The following SLC30A4 variants were observed in gnomAD, a reference collection of about 807,000 sequenced individuals.
SLC30A4 encodes solute carrier family 30 member 4.
In SLC30A4, 20 loss-of-function variants were observed where a neutral mutation model predicts 41.7. The observed-to-expected ratio is 0.48, with a 90% CI of 0.34 to 0.70. SLC30A4 has a LOEUF of 0.70. SLC30A4 is among the 30% of genes least tolerant of loss of function. SLC30A4 has a pLI of 0.01. For synonymous variants in SLC30A4, 181 were observed against 195.9 expected (o/e 0.92, Z 0.64); for missense variants, 441 against 529.3 (o/e 0.83, Z 1.64).
chr15:45,515,149 G>A (rs950915627), intron 2 of SLC30A4, among the ~76,000 whole-genome samples: 3 of 151,498 alleles, frequency 2.0e-5, no homozygotes, highest in African/African-American at 7.3e-5. Flanking sequence ...AGCCTCCTAA[G>A]TTGCTGGGAC....
intron 2 of SLC30A4, among the ~76,000 whole-genome samples, chr15:45,514,671 C>T (rs566695795): frequency 6.6e-5 from 10 of 151,862 alleles, no homozygotes; most frequent in South Asian, 6.3e-4. Context: ...TGCGCCACCA[C>T]GCCCGGCTAA....
chr15:45,503,718 G>A (rs1337346452), intron 3 of SLC30A4, among the ~76,000 whole-genome samples: 1 of 152,052 alleles, frequency 6.6e-6, no homozygotes, highest in African/African-American at 2.4e-5. Flanking sequence ...AGGCCGAGGT[G>A]GGCAGATCAC....
intron 3 of SLC30A4, among the ~76,000 whole-genome samples, chr15:45,494,167 GGAT>G (rs1167192740): frequency 6.6e-6 from 1 of 152,072 alleles, no homozygotes; most frequent in Non-Finnish European, 1.5e-5. Flanking sequence ...AAATATTTAT[GGAT>G]GATTTTTTAG....
intron 4 of SLC30A4, 63 bp downstream of exon 4, chr15:45,490,665 A>T: frequency 9.8e-7 from 1 of 1,022,414 alleles, no homozygotes; most frequent in Non-Finnish European, 1.4e-6. Context: ...TACTGAATGC[A>T]TATGCAATAG....
rs545671931 is a variant in SLC30A4, at chr15:45,500,712, C to T, written c.539-9831G>A. 9.9e-5 allele frequency among the ~76,000 whole-genome samples: 15 copies of T among 151,376 alleles called. No individual in the cohort carries two copies. The South Asian group carries it at 2.7e-3, about 27-fold the overall frequency. ...TTTTATTTTTTTTGAGACGGAGTTTCGCTCTTGTTGCCCAGGCTGGAATGC... is the reference window on the plus strand; with the variant it reads ...TTTTATTTTTTTTGAGACGGAGTTTTGCTCTTGTTGCCCAGGCTGGAATGC... On this transcript the variant is annotated intron_variant, in intron 3 of 7. Transcript: ENST00000261867.
Position 45,481,281 on chromosome 15 carries a change from T to C in SLC30A4, c.*3882A>G, listed in dbSNP as rs1170787091. On this transcript the variant is annotated 3_prime_UTR_variant, in exon 8 of 8. Coordinates refer to ENST00000261867, the MANE Select transcript of SLC30A4 (RefSeq NM_013309.6). Reference sequence around the variant, plus strand: ...ATCTGCACTCACATTACATAAGGCATAGCTAATGGAAATGTATGTAGGAAT... The same window carrying C: ...ATCTGCACTCACATTACATAAGGCACAGCTAATGGAAATGTATGTAGGAAT... 2 of 152,230 alleles carry C rather than the reference T, an allele frequency of 1.3e-5. No homozygotes were observed. Among genetic ancestry groups the C allele is most frequent in the African/African-American group, 4.8e-5 (2 of 41,460 alleles). 9.4% of individuals were successfully genotyped at this position (152,230 alleles called of 1,614,324 possible).
At chr15:45,506,654 TG>T (rs1298617981) in intron 3 of SLC30A4, among the ~76,000 whole-genome samples, 8 of 152,172 alleles carry the variant, frequency 5.3e-5, no homozygotes, top group Non-Finnish European at 1.2e-4. Context: ...GCAGAATAAG[TG>T]AAATAAGGTC....
At chr15:45,486,010 C>T (rs570744481) in intron 7 of SLC30A4, among the ~76,000 whole-genome samples, 11 of 150,906 alleles carry the variant, frequency 7.3e-5, no homozygotes, top group South Asian at 6.3e-4. Context: ...TGAGTCAACG[C>T]GCCAGGCCGG....
chr15:45,520,553 G>T (rs1288525539), intron 2 of SLC30A4, among the ~76,000 whole-genome samples: 1 of 152,166 alleles, frequency 6.6e-6, no homozygotes, highest in Non-Finnish European at 1.5e-5. Flanking sequence ...GGGATTAAAG[G>T]CGTGAGCCAC....
chr15:45,512,697 T>C (rs1892335139), intron 2 of SLC30A4, among the ~76,000 whole-genome samples: 1 of 152,250 alleles, frequency 6.6e-6, no homozygotes. Context: ...AGCTTTAGCA[T>C]ACTTATCATT....
chr15:45,521,726 C>T (rs1313646630), intron 2 of SLC30A4: 3 of 471,774 alleles, frequency 6.4e-6, no homozygotes, highest in Non-Finnish European at 7.4e-6. Flanking sequence ...CTTAACTTTA[C>T]GGTAGATGAC....
At chr15:45,500,935 C>T (rs527238425) in intron 3 of SLC30A4, among the ~76,000 whole-genome samples, 26 of 151,778 alleles carry the variant, frequency 1.7e-4, no homozygotes, top group South Asian at 1.0e-3. Flanking sequence ...CCACCCTCCT[C>T]GGCCTCCCAA....
intron 3 of SLC30A4, chr15:45,502,833 A>C (rs905629777): frequency 6.6e-6 from 1 of 152,212 alleles, no homozygotes; most frequent in Non-Finnish European, 1.5e-5. Flanking sequence ...GTCTGTACAA[A>C]AAATTAAAAA....
At chr15:45,493,346 C>T (rs193294198) in intron 3 of SLC30A4, among the ~76,000 whole-genome samples, 12 of 152,302 alleles carry the variant, frequency 7.9e-5, no homozygotes, top group Non-Finnish European at 1.3e-4. Context: ...AGAAACCTGA[C>T]ACTAATCCTG....
intron 3 of SLC30A4, among the ~76,000 whole-genome samples, chr15:45,496,090 G>A (rs969681402): frequency 6.6e-6 from 1 of 152,136 alleles, no homozygotes; most frequent in Non-Finnish European, 1.5e-5. Context: ...TTAGGGCTGA[G>A]ATTTATAATT....
intron 3 of SLC30A4, among the ~76,000 whole-genome samples, chr15:45,505,129 G>A (rs1595527602): frequency 1.3e-5 from 2 of 151,838 alleles, no homozygotes; most frequent in East Asian, 3.9e-4. Flanking sequence ...TACTTGGGAA[G>A]CTAAGGCAGA....
At chr15:45,518,434 C>G (rs1269560385) in intron 2 of SLC30A4, among the ~76,000 whole-genome samples, 1 of 152,162 alleles carries the variant, frequency 6.6e-6, no homozygotes, top group African/African-American at 2.4e-5. Context: ...AGCACAGTGC[C>G]TGGCACATAG....
chr15:45,508,346 T>C (rs1436329046), intron 3 of SLC30A4, among the ~76,000 whole-genome samples: 1 of 152,178 alleles, frequency 6.6e-6, no homozygotes, highest in Non-Finnish European at 1.5e-5. Context: ...TGGCGGAAAG[T>C]GTAGGCTGCC....
intron 3 of SLC30A4, among the ~76,000 whole-genome samples, chr15:45,491,699 C>T: frequency 6.6e-6 from 1 of 152,072 alleles, no homozygotes; most frequent in Admixed American, 6.6e-5. Context: ...AAGACTCTAT[C>T]TCTAAAAAAC....
Sources: allele counts gnomAD v4.1 joint callset (sites outside exome capture counted in the v4.1 genomes callset), GRCh38; gene constraint gnomAD v4.1.1; transcripts MANE v1.5; gene names NCBI Gene and HGNC (gene_info 2026-07-23, HGNC 2026-07-21).